RANBP2: variants seen among roughly 807,000 people sequenced by gnomAD.
RANBP2 encodes the protein RAN binding protein 2.
Under a neutral mutation model 303.6 loss-of-function variants are expected in RANBP2, and 57 were observed. The observed-to-expected ratio is 0.19, with a 90% CI of 0.15 to 0.23. The LOEUF (loss-of-function observed/expected upper bound fraction) is 0.23. Among genes scored for constraint, RANBP2 ranks in the 10% least tolerant of loss-of-function variants. RANBP2 has a pLI of 1.00. For missense variants in RANBP2, 3,138 were observed against 3,780.8 expected (o/e 0.83, Z 4.46); for synonymous variants, 1,167 against 1,301.5 (o/e 0.90, Z 2.23).
At chr2:109,129,310 A>G in the RANBP2 span, 1 of 756,766 alleles carries the variant, frequency 1.3e-6, no homozygotes. Context: ...TGCGCTCAGG[A>G]CTGGGCGGGC....
At chr2:109,146,776 C>T in the RANBP2 span, among the ~76,000 whole-genome samples, 1 of 132,106 alleles carries the variant, frequency 7.6e-6, no homozygotes, top group Admixed American at 8.0e-5. Context: ...TTGCGGATCT[C>T]TCCTTTCTTT....
the RANBP2 span, among the ~76,000 whole-genome samples, chr2:109,683,074 C>T: frequency 2.0e-5 from 3 of 152,088 alleles, no homozygotes; most frequent in Admixed American, 1.3e-4. Context: ...GGCGTGATGT[C>T]GGCTCACTGC....
the RANBP2 span, among the ~76,000 whole-genome samples, chr2:109,629,329 ATATATATATATATATATATATATATAT>A: frequency 0.43 from 19,360 of 44,574 alleles, 3,307 homozygotes; most frequent in Middle Eastern, 0.52. Context: ...ATATATATAT[ATATATATATATATATATATATATATAT>A]TTTTTTTTTT....
At chr2:109,193,805 A>C in the RANBP2 span, among the ~76,000 whole-genome samples, 1 of 152,210 alleles carries the variant, frequency 6.6e-6, no homozygotes, top group Non-Finnish European at 1.5e-5. Context: ...TTAGTGCCTT[A>C]GAAAGGGTGT....
the RANBP2 span, among the ~76,000 whole-genome samples, chr2:109,065,859 CAA>C: frequency 6.6e-6 from 1 of 152,206 alleles, no homozygotes; most frequent in Admixed American, 6.5e-5. Flanking sequence ...GCAGAGGCAA[CAA>C]AGTGAGGTGA....
At chr2:109,546,258 C>T in the RANBP2 span, 1 of 1,499,654 alleles carries the variant, frequency 6.7e-7, no homozygotes, top group Non-Finnish European at 8.9e-7. Flanking sequence ...AAGTGCAATC[C>T]CCACTACTGA....
chr2:108,721,059 A>G (rs559866090), intron 1 of RANBP2, among the ~76,000 whole-genome samples: 1 of 152,288 alleles, frequency 6.6e-6, no homozygotes, highest in East Asian at 1.9e-4. Flanking sequence ...AACAAAAACA[A>G]AAACAAAAAA....
chr2:109,580,077 C>T, the RANBP2 span, among the ~76,000 whole-genome samples: 2 of 151,872 alleles, frequency 1.3e-5, no homozygotes, highest in Admixed American at 1.3e-4. Flanking sequence ...GCCTAGATCG[C>T]ACCACTGCAC....
At chr2:109,123,274 C>T in the RANBP2 span, among the ~76,000 whole-genome samples, 1 of 152,142 alleles carries the variant, frequency 6.6e-6, no homozygotes. Context: ...TTTCCCAAGC[C>T]TTGTGTCATC....
At chr2:109,426,445 C>T in the RANBP2 span, among the ~76,000 whole-genome samples, 17 of 152,210 alleles carry the variant, frequency 1.1e-4, no homozygotes, top group East Asian at 5.8e-4. Flanking sequence ...AGGAAGTCAC[C>T]GCAGATGTGG....
chr2:109,267,184 C>T, the RANBP2 span, among the ~76,000 whole-genome samples: 1 of 152,026 alleles, frequency 6.6e-6, no homozygotes, highest in South Asian at 2.1e-4. Context: ...CCCATGTGTG[C>T]TTAGGTTTCG....
At chr2:109,328,747 C>T in the RANBP2 span, among the ~76,000 whole-genome samples, 1 of 152,164 alleles carries the variant, frequency 6.6e-6, no homozygotes, top group African/African-American at 2.4e-5. Flanking sequence ...TCTTCCTCTC[C>T]CCCACATTTG....
chr2:108,737,980 T>C (rs1338302760), intron 6 of RANBP2, among the ~76,000 whole-genome samples: 17 of 145,212 alleles, frequency 1.2e-4, no homozygotes, highest in Non-Finnish European at 2.0e-4. Flanking sequence ...TCCCAAAGTG[T>C]TGGGATTACA....
chr2:109,529,388 G>C, the RANBP2 span, among the ~76,000 whole-genome samples: 174 of 152,306 alleles, frequency 1.1e-3, no homozygotes, highest in African/African-American at 4.2e-3. Context: ...GAAGCTGCGG[G>C]AACAGATGGG....
the RANBP2 span, among the ~76,000 whole-genome samples, chr2:108,869,392 G>A: frequency 6.6e-6 from 1 of 152,140 alleles, no homozygotes; most frequent in Admixed American, 6.5e-5. Context: ...ATTCAAGCAG[G>A]ACTAGTTTGA....
At chr2:109,564,110 CAG>C in the RANBP2 span, 148,121 of 359,876 alleles carry the variant, frequency 0.41, 33,183 homozygotes, top group Middle Eastern at 0.53. Context: ...TGAACTGAAA[CAG>C]GGGGCCTCTG....
chr2:109,270,911 A>G, the RANBP2 span, among the ~76,000 whole-genome samples: 1 of 152,232 alleles, frequency 6.6e-6, no homozygotes, highest in Non-Finnish European at 1.5e-5. Context: ...ACACAGCATC[A>G]GGAGGGAGAC....
chr2:108,732,159 C>T (rs1558877314), intron 4 of RANBP2, among the ~76,000 whole-genome samples: 1 of 152,066 alleles, frequency 6.6e-6, no homozygotes, highest in African/African-American at 2.4e-5. Flanking sequence ...CCTTTAGCCT[C>T]CTTCTATCCC....
the RANBP2 span, among the ~76,000 whole-genome samples, chr2:109,381,732 G>A: frequency 6.6e-6 from 1 of 152,146 alleles, no homozygotes; most frequent in Non-Finnish European, 1.5e-5. Context: ...GCCAGGAATA[G>A]ATAGTCTCTG....
Sources: allele counts gnomAD v4.1 joint callset (sites outside exome capture counted in the v4.1 genomes callset), GRCh38; gene constraint gnomAD v4.1.1; transcripts MANE v1.5; gene names NCBI Gene and HGNC (gene_info 2026-07-23, HGNC 2026-07-21).